The following RFC1 variants were observed in gnomAD, a reference collection of about 807,000 sequenced individuals.
RFC1 encodes the protein A1 140 kDa subunit.
RFC1 carries 37 observed loss-of-function variants against 137.4 expected under a neutral mutation model. That is an observed-to-expected ratio of 0.27 (90% CI 0.21 to 0.35). The LOEUF is 0.35. RFC1 is among the 10% of genes least tolerant of loss of function. RFC1 has a pLI of 1.00. For missense variants in RFC1, 1,205 were observed against 1,358.5 expected (o/e 0.89, Z 1.78); for synonymous variants, 429 against 455.7 (o/e 0.94, Z 0.75).
intron 10 of RFC1, among the ~76,000 whole-genome samples, chr4:39,313,678 T>C (rs1400950438): frequency 1.3e-5 from 2 of 150,532 alleles, no homozygotes; most frequent in South Asian, 2.1e-4. Flanking sequence ...AAATTTTTAC[T>C]GTTTTATGGG....
In RFC1 at chr4:39,320,552, T is replaced by G; in HGVS notation, c.926A>C (p.Glu309Ala). 6.2e-7 allele frequency: 1 copy of G among 1,613,452 alleles called. No individual in the cohort carries two copies. Among genetic ancestry groups the G allele is most frequent in the Non-Finnish European group, 8.5e-7 (1 of 1,179,886 alleles). ...AGAACTGGCCTTGGGAGAAGAGACT[T>G]CTCCTATTTTGTCAGCTGATGACTT... ...HSKSSADKIGEVSSPKASSKL... is the reference protein window; with the variant it reads ...HSKSSADKIGAVSSPKASSKL... Residue 309 changes from glutamate to alanine, a missense_variant, in exon 9 of 25, where the codon GAA becomes GCA. Transcript: ENST00000349703.
In RFC1 at chr4:39,312,784, C is replaced by T. The variant is rs1739023273; in HGVS notation, c.1351G>A (p.Gly451Ser). ...CTCTTGGACTGTCCACTATCACGAC[C>T]CATGACAAGATAATTTGTTTTCTTG... ...VSKKTNYLVM[G>S]RDSGQSKSDK... Residue 451 changes from glycine to serine, a missense_variant, in exon 11 of 25, where the codon GGT (glycine) becomes AGT (serine). Physicochemically the swap from Gly to Ser is moderately conservative, Grantham distance 56 (BLOSUM62 0). Around this residue, in one of 3 missense-constraint regions of RFC1, gnomAD observed 962 missense variants for 1,035.3 expected, o/e 0.93. Coordinates refer to ENST00000349703, the MANE Select transcript of RFC1 (RefSeq NM_002913.5). 6.2e-7 allele frequency: 1 copy of T among 1,614,094 alleles called. No individual in the cohort carries two copies. Among genetic ancestry groups the T allele is most frequent in the Non-Finnish European group, 8.5e-7 (1 of 1,180,012 alleles).
chr4:39,309,702 T>C (rs1022003229), intron 12 of RFC1, among the ~76,000 whole-genome samples: 1 of 152,238 alleles, frequency 6.6e-6, no homozygotes. Flanking sequence ...GGTACAGGGT[T>C]TCTTTTCAGG....
At chr4:39,290,060 G>C in intron 23 of RFC1, 21 bp from the exon 24 acceptor site, 2 of 1,561,736 alleles carry the variant, frequency 1.3e-6, no homozygotes, top group Non-Finnish European at 1.7e-6. Context: ...GGAGTAGATG[G>C]AGTTTTTAAA....
intron 21 of RFC1, among the ~76,000 whole-genome samples, chr4:39,296,259 T>C (rs1437794312): frequency 1.3e-5 from 2 of 151,000 alleles, no homozygotes; most frequent in Admixed American, 6.6e-5. Flanking sequence ...TCTTTTTTTT[T>C]TTTTTATTAT....
intron 21 of RFC1, among the ~76,000 whole-genome samples, chr4:39,298,100 G>C (rs1281008123): frequency 2.0e-5 from 3 of 152,166 alleles, no homozygotes; most frequent in Non-Finnish European, 2.9e-5. Flanking sequence ...CTTGCACCCA[G>C]GAGTTCAAGA....
chr4:39,311,915 C>T (rs141587910), intron 11 of RFC1, among the ~76,000 whole-genome samples: 2 of 152,214 alleles, frequency 1.3e-5, no homozygotes, highest in Non-Finnish European at 2.9e-5. Flanking sequence ...TTTCCCCCAC[C>T]TTCTTCCCTG....
chr4:39,344,346 C>A (rs1740747091), intron 3 of RFC1, among the ~76,000 whole-genome samples: 2 of 152,220 alleles, frequency 1.3e-5, no homozygotes, highest in South Asian at 4.1e-4. Context: ...CCAAAAAAGC[C>A]AGATCTTTCA....
chr4:39,300,238 C>T, intron 20 of RFC1, 22 bp downstream of exon 20: 1 of 1,613,984 alleles, frequency 6.2e-7, no homozygotes. Flanking sequence ...AAGCACACCT[C>T]TCACCAGCTC....
intron 10 of RFC1, among the ~76,000 whole-genome samples, chr4:39,315,390 C>G (rs948883906): frequency 7.9e-5 from 12 of 152,262 alleles, no homozygotes; most frequent in African/African-American, 2.9e-4. Context: ...TTTCCACCCT[C>G]TTCTACTTCA....
At position 39,300,395 on chromosome 4, in the gene RFC1, C is replaced by T. The variant is rs762772857; in HGVS notation, c.2555G>A (p.Arg852Gln). 8 of 1,613,828 alleles carry T rather than the reference C, an allele frequency of 5.0e-6. No homozygotes were observed. Among genetic ancestry groups the T allele is most frequent in the Admixed American group, 3.3e-5 (2 of 59,982 alleles). The change falls in exon 20 of 25, where the codon CGG (arginine) becomes CAG (glutamine). Residue 852 changes from arginine to glutamine, a missense_variant. Arg to Gln is a conservative substitution (Grantham distance 43, BLOSUM62 1). This residue lies in a region of RFC1 where 962 missense variants were observed against 1,035.3 expected (regional missense o/e 0.93). Coordinates refer to ENST00000349703, the MANE Select transcript of RFC1 (RefSeq NM_002913.5). ...CTCCTCTCCAGCTGCAAACACTTTC[C>T]GGGCAACATCAAATGGGCCCTGAAA... ...DIKMGPFDVA[R>Q]KVFAAGEETA...
intron 1 of RFC1, among the ~76,000 whole-genome samples, chr4:39,361,431 A>C (rs1046917772): frequency 1.3e-5 from 2 of 152,228 alleles, no homozygotes; most frequent in Admixed American, 6.5e-5. Flanking sequence ...AATTATACTA[A>C]GGCCTTATAC....
chr4:39,363,299 A>C (rs1458027848), intron 1 of RFC1, among the ~76,000 whole-genome samples: 4 of 152,100 alleles, frequency 2.6e-5, no homozygotes, highest in Non-Finnish European at 5.9e-5. Context: ...TACGTGGTTC[A>C]AATTTCGAAA....
chr4:39,296,888 A>G (rs1738042585), intron 21 of RFC1, among the ~76,000 whole-genome samples: 1 of 150,816 alleles, frequency 6.6e-6, no homozygotes, highest in Non-Finnish European at 1.5e-5. Context: ...AAGTGTTCCT[A>G]TTTCTCCACA....
intron 2 of RFC1, among the ~76,000 whole-genome samples, chr4:39,350,296 A>G (rs1218365779): frequency 6.6e-6 from 1 of 152,142 alleles, no homozygotes. Flanking sequence ...TAATTCAAGA[A>G]GAGAAGAGAG....
At chr4:39,312,228 A>C (rs147527548) in intron 11 of RFC1, among the ~76,000 whole-genome samples, 41 of 152,372 alleles carry the variant, frequency 2.7e-4, no homozygotes, top group African/African-American at 9.9e-4. Context: ...ACAAAAGTTA[A>C]CACAATAAGG....
chr4:39,344,407 A>T (rs905615531), intron 3 of RFC1, among the ~76,000 whole-genome samples: 3 of 152,248 alleles, frequency 2.0e-5, no homozygotes, highest in Admixed American at 2.0e-4. Context: ...ACAGTATTCT[A>T]AGGCACTATT....
chr4:39,346,602 CTGAT>C (rs941257582), intron 2 of RFC1, among the ~76,000 whole-genome samples: 1 of 151,964 alleles, frequency 6.6e-6, no homozygotes, highest in Non-Finnish European at 1.5e-5. Context: ...AGTGAAAAAA[CTGAT>C]TGTAATCAAT....
At chr4:39,304,203 AC>A (rs1738517301) in intron 15 of RFC1, among the ~76,000 whole-genome samples, 1 of 152,184 alleles carries the variant, frequency 6.6e-6, no homozygotes, top group South Asian at 2.1e-4. Context: ...GCGGTCCTTA[AC>A]TTGAGCATCT....
Sources: gnomAD v4.1 joint callset for allele counts (sites outside exome capture counted in the v4.1 genomes callset) on GRCh38, gnomAD v4.1.1 for gene constraint, gnomAD v4.1.1 regional missense constraint, MANE v1.5 for transcripts, NCBI Gene and HGNC (gene_info 2026-07-23, HGNC 2026-07-21) for gene names.